The following BRCA1 variants were observed in gnomAD, a reference collection of about 807,000 sequenced individuals.
BRCA1 encodes the protein breast cancer type 1 susceptibility protein.
BRCA1 carries 140 observed loss-of-function variants against 173.7 expected under a neutral mutation model. The ratio of observed to expected loss-of-function variants is 0.81; its 90% CI spans 0.70 to 0.93. The LOEUF (loss-of-function observed/expected upper bound fraction) is 0.93, where lower values mean the gene tolerates loss of function less well. Among genes scored for constraint, BRCA1 ranks in the 40% least tolerant of loss-of-function variants. The pLI, the probability that BRCA1 is intolerant of heterozygous loss-of-function variation, is 0.00. For synonymous variants in BRCA1, 662 were observed against 756.0 expected, an observed-to-expected ratio of 0.88 and a Z score of 2.04; for missense variants, 1,983 against 2,172.5, an observed-to-expected ratio of 0.91 and a Z score of 1.73.
chr17:43,083,178 CT>C (rs914974332), intron 11 of BRCA1, among the ~76,000 whole-genome samples: 89 of 145,792 alleles, frequency 6.1e-4, no homozygotes, highest in Admixed American at 8.3e-4. Context: ...TTCTTTCTTT[CT>C]TTTTTTTTTT....
At chr17:43,168,337 T>A (rs184119401) in intron 1 of BRCA1, 2 of 343,492 alleles carry the variant, frequency 5.8e-6, no homozygotes, top group Admixed American at 8.2e-5. Flanking sequence ...ATTTTATCAT[T>A]TTAAAATAAG....
chr17:43,082,446 G>A lies in BRCA1; in HGVS notation c.4315C>T (p.Leu1439Phe), dbSNP rs781260818. The A allele has an allele frequency of 4.3e-6, 7 of 1,614,152 alleles. No individual in the cohort carries two copies. The highest frequency in any genetic ancestry group is 5.9e-6 in the Non-Finnish European group (7 of 1,180,016). The change falls in exon 12 of 23, where the codon CTT becomes TTT. Residue 1439 changes from leucine to phenylalanine, a missense_variant. By Grantham distance (22) the Leu-to-Phe change is conservative (BLOSUM62 0). Transcript: ENST00000357654. ...TGTTCTGGATTTCGCAGGTCCTCAA[G>A]GGCAGAAGAGTCACTTATGATGGAA... is the stretch of plus-strand genomic sequence containing the variant. ...YPSIISDSSA[L>F]EDLRNPEQST...
intron 7 of BRCA1, 101 bp downstream of exon 7, chr17:43,099,674 G>C (rs2154527415): frequency 1.0e-6 from 1 of 966,374 alleles, no homozygotes; most frequent in South Asian, 1.3e-5. Flanking sequence ...TCCCAAAGCT[G>C]CCTACCACAA....
chr17:43,101,625 C>A (rs1364505874), intron 6 of BRCA1, among the ~76,000 whole-genome samples: 5 of 152,104 alleles, frequency 3.3e-5, no homozygotes, highest in Non-Finnish European at 7.3e-5. Flanking sequence ...GCCTCCGCCT[C>A]CCGAGTAGCT....
intron 1 of BRCA1, among the ~76,000 whole-genome samples, chr17:43,152,320 CT>C (rs2056166797): frequency 2.0e-5 from 3 of 152,256 alleles, no homozygotes; most frequent in African/African-American, 7.2e-5. Context: ...CTTGTTTACA[CT>C]TCCACTCCAC....
chr17:43,154,582 A>G (rs1878749430), intron 1 of BRCA1, among the ~76,000 whole-genome samples: 1 of 152,102 alleles, frequency 6.6e-6, no homozygotes, highest in African/African-American at 2.4e-5. Flanking sequence ...AAACTTTAGA[A>G]AATACATCAC....
At chr17:43,120,664 C>T (rs2055507513) in intron 2 of BRCA1, among the ~76,000 whole-genome samples, 1 of 152,144 alleles carries the variant, frequency 6.6e-6, no homozygotes, top group Non-Finnish European at 1.5e-5. Context: ...ACTTGGGGGG[C>T]CGAGGCAGGA....
chr17:43,044,634 A>T lies in BRCA1; in HGVS notation c.*1044T>A. On this transcript the variant is annotated 3_prime_UTR_variant, in exon 23 of 23. Transcript: ENST00000357654. ...AGGTCTTATATTTTAAGAGGAATGGATTATATACCAGAGCTACAACAATAA... is the reference window on the plus strand; with the variant it reads ...AGGTCTTATATTTTAAGAGGAATGGTTTATATACCAGAGCTACAACAATAA... The T allele has an allele frequency of 2.0e-6, 1 of 504,104 alleles. No individual in the cohort carries two copies. Among genetic ancestry groups the T allele is most frequent in the Non-Finnish European group, 3.9e-6 (1 of 257,256 alleles). The allele number at this position is 504,104 out of a possible 1,614,324, so 31.2% of individuals were successfully genotyped here.
intron 16 of BRCA1, chr17:43,067,404 G>A (rs758537599): frequency 1.1e-4 from 51 of 445,822 alleles, no homozygotes; most frequent in Non-Finnish European, 2.0e-4. Context: ...ACAGGCGCAC[G>A]CGACCACACC....
intron 1 of BRCA1, among the ~76,000 whole-genome samples, chr17:43,150,524 T>C (rs1170080071): frequency 1.3e-5 from 2 of 152,212 alleles, no homozygotes; most frequent in East Asian, 3.8e-4. Context: ...TGCCACCCAA[T>C]GTGCTCATGT....
intron 18 of BRCA1, among the ~76,000 whole-genome samples, chr17:43,059,119 T>C (rs2051634665): frequency 6.6e-6 from 1 of 152,140 alleles, no homozygotes; most frequent in South Asian, 2.1e-4. Flanking sequence ...ATACAATGTG[T>C]CCAACTGCCT....
intron 11 of BRCA1, chr17:43,082,897 C>T (rs1007008836): frequency 5.0e-5 from 17 of 342,536 alleles, no homozygotes; most frequent in Non-Finnish European, 7.7e-5. Flanking sequence ...TAAACACTAT[C>T]GATATTTAAA....
intron 1 of BRCA1, chr17:43,138,340 A>G (rs754178187): frequency 7.0e-5 from 30 of 426,218 alleles, no homozygotes; most frequent in Middle Eastern, 6.8e-4. Context: ...TCCAGTGAAA[A>G]CATTCCAGAA....
At chr17:43,101,771 G>C (rs1267032511) in intron 6 of BRCA1, among the ~76,000 whole-genome samples, 5 of 152,064 alleles carry the variant, frequency 3.3e-5, no homozygotes, top group Non-Finnish European at 7.4e-5. Flanking sequence ...CGAAGTGCTG[G>C]GATTACAGGT....
At chr17:43,126,988 G>A (rs1326950389), upstream of BRCA1, among the ~76,000 whole-genome samples, 4 of 152,264 alleles carry the variant, frequency 2.6e-5, no homozygotes, top group Admixed American at 1.3e-4. Flanking sequence ...AGGGTGCGCC[G>A]GGTCCCCCAG....
intron 3 of BRCA1, among the ~76,000 whole-genome samples, chr17:43,114,440 G>A (rs1005598265): frequency 6.7e-6 from 1 of 148,720 alleles, no homozygotes; most frequent in Admixed American, 6.7e-5. Flanking sequence ...CTGGAATGCA[G>A]TGGCATGATC....
At chr17:43,138,167 A>G (rs1237132664) in intron 1 of BRCA1, 3 of 178,428 alleles carry the variant, frequency 1.7e-5, no homozygotes, top group Non-Finnish European at 3.6e-5. Context: ...CTGGGCAACA[A>G]GAGCGAAACT....
At chr17:43,112,506 AGGG>A in intron 3 of BRCA1, 1 of 152,154 alleles carries the variant, frequency 6.6e-6, no homozygotes, top group Non-Finnish European at 1.5e-5. Flanking sequence ...TAGCTACTTG[AGGG>A]GCTGAGATGA....
intron 1 of BRCA1, among the ~76,000 whole-genome samples, chr17:43,155,706 TG>T (rs2056192696): frequency 1.3e-5 from 2 of 152,118 alleles, no homozygotes; most frequent in Admixed American, 6.5e-5. Flanking sequence ...CTAATTTTTT[TG>T]TATTTTTGGT....
Sources: gnomAD v4.1 joint callset for allele counts (sites outside exome capture counted in the v4.1 genomes callset) on GRCh38, gnomAD v4.1.1 for gene constraint, MANE v1.5 for transcripts, NCBI Gene and HGNC (gene_info 2026-07-23, HGNC 2026-07-21) for gene names.